The following USH2A variants were observed in gnomAD, a reference collection of about 807,000 sequenced individuals.
USH2A encodes usherin.
Under a neutral mutation model 538.9 loss-of-function variants are expected in USH2A, and 443 were observed. That is an observed-to-expected ratio of 0.82 (90% CI 0.76 to 0.89). The LOEUF is 0.89. Among genes scored for constraint, USH2A ranks in the 40% least tolerant of loss-of-function variants. The pLI, the probability that USH2A is intolerant of heterozygous loss-of-function variation, is 0.00. For synonymous variants in USH2A, 2,413 were observed against 2,273.5 expected (o/e 1.06, Z -1.75); for missense variants, 6,633 against 6,324.8 (o/e 1.05, Z -1.65).
chr1:215,826,267 T>C (rs1663151248), intron 47 of USH2A, among the ~76,000 whole-genome samples: 1 of 152,128 alleles, frequency 6.6e-6, no homozygotes, highest in South Asian at 2.1e-4. Flanking sequence ...AATGTTCTGC[T>C]CTTTTGGCAC....
chr1:216,104,143 T>C (rs1361577922), intron 21 of USH2A, among the ~76,000 whole-genome samples: 2 of 152,140 alleles, frequency 1.3e-5, no homozygotes. Flanking sequence ...TGCATATATG[T>C]GTCATGTTGG....
In USH2A at chr1:215,623,669, T is replaced by G. The variant is rs1162159715; in HGVS notation, c.*2112A>C. 2 of 152,116 alleles carry G rather than the reference T, an allele frequency of 1.3e-5. No individual in the cohort carries two copies. Among genetic ancestry groups the G allele is most frequent in the Non-Finnish European group, 2.9e-5 (2 of 68,010 alleles). The allele number at this position is 152,116 out of a possible 1,614,324, so 9.4% of individuals were successfully genotyped here. On this transcript the variant is annotated 3_prime_UTR_variant, in exon 72 of 72. Transcript: ENST00000307340. ...CTAAGCTATGGAGTCAAAATGTAAA[T>G]GATTCAGCTAACTGAGTTCATGTCT...
chr1:215,807,498 C>T (rs577334245), intron 49 of USH2A, among the ~76,000 whole-genome samples: 5 of 152,224 alleles, frequency 3.3e-5, no homozygotes, highest in South Asian at 2.1e-4. Flanking sequence ...AGCATACAAT[C>T]GACATAAAGT....
At chr1:215,653,799 T>C (rs182783044) in intron 64 of USH2A, among the ~76,000 whole-genome samples, 239 of 152,214 alleles carry the variant, frequency 1.6e-3, no homozygotes, top group African/African-American at 5.3e-3. Context: ...AGGGTAAAAA[T>C]ACTAACAGGT....
intron 3 of USH2A, among the ~76,000 whole-genome samples, chr1:216,367,712 C>T (rs552824940): frequency 6.6e-6 from 1 of 152,250 alleles, no homozygotes; most frequent in South Asian, 2.1e-4. Context: ...AAGATTAAAT[C>T]TTCCTTGGTT....
chr1:216,067,788 T>C (rs2031428256), intron 30 of USH2A, among the ~76,000 whole-genome samples: 1 of 152,058 alleles, frequency 6.6e-6, no homozygotes, highest in Non-Finnish European at 1.5e-5. Flanking sequence ...GTTGGAAATG[T>C]CATTGTGTCC....
intron 69 of USH2A, 140 bp from the exon 70 acceptor site, chr1:215,634,843 G>A (rs746345042): frequency 2.8e-6 from 4 of 1,420,470 alleles, no homozygotes; most frequent in African/African-American, 1.4e-5. Flanking sequence ...TTGCACTTGT[G>A]TGCAGCCTGG....
chr1:216,301,519 G>T (rs1016994628), intron 9 of USH2A, among the ~76,000 whole-genome samples: 1 of 152,158 alleles, frequency 6.6e-6, no homozygotes, highest in Non-Finnish European at 1.5e-5. Flanking sequence ...ATTCGAGGGA[G>T]AGAGGTGTTG....
At chr1:215,965,288 T>C in intron 37 of USH2A, 29 bp downstream of exon 37, 1 of 1,598,516 alleles carries the variant, frequency 6.3e-7, no homozygotes, top group Non-Finnish European at 8.6e-7. Flanking sequence ...CTAATGTTAT[T>C]TAAAGTTTAG....
chr1:216,074,454 A>G (rs2031681000), intron 27 of USH2A, among the ~76,000 whole-genome samples: 1 of 152,212 alleles, frequency 6.6e-6, no homozygotes, highest in Non-Finnish European at 1.5e-5. Context: ...AATGAAATGC[A>G]TAACAGTAAA....
chr1:215,828,556 T>G (rs1663220964), intron 47 of USH2A, among the ~76,000 whole-genome samples: 1 of 152,244 alleles, frequency 6.6e-6, no homozygotes, highest in African/African-American at 2.4e-5. Context: ...TCTGCAAAGT[T>G]TGTGTATAAG....
chr1:216,239,197 C>T (rs1193462694), intron 13 of USH2A, among the ~76,000 whole-genome samples: 1 of 151,848 alleles, frequency 6.6e-6, no homozygotes, highest in African/African-American at 2.4e-5. Context: ...GCACACATTG[C>T]TCTTTTCGTG....
intron 3 of USH2A, among the ~76,000 whole-genome samples, chr1:216,409,272 A>G (rs2039443412): frequency 6.6e-6 from 1 of 152,190 alleles, no homozygotes; most frequent in African/African-American, 2.4e-5. Flanking sequence ...GCTCATGAAT[A>G]GGAAGGACCA....
intron 30 of USH2A, among the ~76,000 whole-genome samples, chr1:216,068,655 G>C (rs1195725242): frequency 6.6e-6 from 1 of 152,074 alleles, no homozygotes; most frequent in African/African-American, 2.4e-5. Context: ...AAAGAGTCAG[G>C]GTCCAGAGGA....
intron 4 of USH2A, among the ~76,000 whole-genome samples, chr1:216,328,092 G>A (rs1294406236): frequency 6.6e-6 from 1 of 152,048 alleles, no homozygotes; most frequent in Non-Finnish European, 1.5e-5. Flanking sequence ...ATAGCTCCAA[G>A]CTCCAGGCTA....
At chr1:216,200,970 C>CCCCTCCCT (rs1558313736) in intron 16 of USH2A, among the ~76,000 whole-genome samples, 1 of 49,326 alleles carries the variant, frequency 2.0e-5, no homozygotes. Context: ...TTCCCCTCCC[C>CCCCTCCCT]CCATCCATCC....
In USH2A at chr1:215,907,237, G is replaced by T. The variant is rs1665662323; in HGVS notation, c.7301-6332C>A. Among the ~76,000 whole-genome samples the T allele has an allele frequency of 2.0e-5, 3 of 151,890 alleles. No homozygotes were observed. In the South Asian group the frequency reaches 6.2e-4, roughly 31 times the overall value. On this transcript the variant is annotated intron_variant, in intron 38 of 71. Coordinates refer to ENST00000307340, the MANE Select transcript of USH2A (RefSeq NM_206933.4). ...GCTGCATGCAGCAGGCATAAACTGGGACTATCTTGGGCAAAAAGTGCATAT... is the reference window on the plus strand; with the variant it reads ...GCTGCATGCAGCAGGCATAAACTGGTACTATCTTGGGCAAAAAGTGCATAT...
rs745602144 is a variant in USH2A at position 216,070,172 on chromosome 1, C to T, written c.5978G>A (p.Ser1993Asn). 1.2e-6 allele frequency: 2 copies of T among 1,614,046 alleles called. No homozygotes were observed. The highest frequency in any genetic ancestry group is 2.2e-5 in the East Asian group (1 of 44,872). The change falls in exon 30 of 72, where the codon AGT becomes AAT. Residue 1993 changes from serine to asparagine, a missense_variant. By Grantham distance (46) the Ser-to-Asn change is conservative. Coordinates refer to ENST00000307340, the MANE Select transcript of USH2A (RefSeq NM_206933.4). The stretch of plus-strand genomic sequence containing the variant: ...GCGGGGTGGACGGGTGCTGTCCTCA[C>T]TATAGGCTTTCAGAATGTACTTCTC... Reference protein sequence around the residue: ...VIEKYILKAYSEDSTRPPRMP... With the variant: ...VIEKYILKAYNEDSTRPPRMP...
chr1:216,306,892 G>A (rs763100873), intron 9 of USH2A, among the ~76,000 whole-genome samples: 1 of 152,182 alleles, frequency 6.6e-6, no homozygotes, highest in Non-Finnish European at 1.5e-5. Context: ...CAGTCTTCAG[G>A]TCTCTTAGCC....
Sources: allele counts gnomAD v4.1 joint callset (sites outside exome capture counted in the v4.1 genomes callset), GRCh38; gene constraint gnomAD v4.1.1; transcripts MANE v1.5; gene names NCBI Gene and HGNC (gene_info 2026-07-23, HGNC 2026-07-21).